FRMPD4: variants seen among roughly 807,000 people sequenced by gnomAD.
FRMPD4 encodes FERM and PDZ domain-containing protein 4.
Under a neutral mutation model 94.1 loss-of-function variants are expected in FRMPD4, and 22 were observed. The observed-to-expected ratio is 0.23, with a 90% confidence interval of 0.17 to 0.33. The LOEUF (loss-of-function observed/expected upper bound fraction) is 0.33. Ranked by LOEUF, FRMPD4 falls within the 10% of genes least tolerant of loss-of-function variation. The pLI, the probability that FRMPD4 is intolerant of heterozygous loss-of-function variation, is 1.00. For missense variants in FRMPD4, 1,111 were observed against 1,339.9 expected (o/e 0.83, Z 2.67); for synonymous variants, 631 against 548.6 (o/e 1.15, Z -2.10).
chrX:12,226,226 T>A (rs1327490611), intron 1 of FRMPD4, among the ~76,000 whole-genome samples: 1 of 111,471 alleles, frequency 9.0e-6, no homozygotes, highest in African/African-American at 3.3e-5. Context: ...TACCTCAGCC[T>A]CCCAAGTAGC....
intron 3 of FRMPD4, among the ~76,000 whole-genome samples, chrX:12,043,492 C>A (rs1194716553): frequency 9.0e-6 from 1 of 111,443 alleles, no homozygotes; most frequent in Non-Finnish European, 1.9e-5. Context: ...CACTATATGA[C>A]CATGCATAAT....
chrX:12,248,495 G>A (rs748076623), intron 1 of FRMPD4, among the ~76,000 whole-genome samples: 1 of 112,199 alleles, frequency 8.9e-6, no homozygotes, highest in Non-Finnish European at 1.9e-5. Flanking sequence ...AAATGTTAAG[G>A]GATTCTGTAA....
chrX:12,320,455 C>A (rs991088854), intron 1 of FRMPD4, among the ~76,000 whole-genome samples: 2 of 111,687 alleles, frequency 1.8e-5, no homozygotes, highest in East Asian at 5.6e-4. Flanking sequence ...ATGCAAAGCA[C>A]CCCCAGCAGA....
At chrX:11,839,827 CTGTT>C (rs1206962864) in intron 1 of FRMPD4, among the ~76,000 whole-genome samples, 2 of 109,738 alleles carry the variant, frequency 1.8e-5, no homozygotes, top group East Asian at 2.8e-4. Context: ...GCTGTTTTTT[CTGTT>C]TGTTTGTTTG....
intron 1 of FRMPD4, among the ~76,000 whole-genome samples, chrX:12,254,970 C>T (rs931975533): frequency 9.0e-6 from 1 of 111,347 alleles, no homozygotes; most frequent in Non-Finnish European, 1.9e-5. Context: ...TACCTTTCCC[C>T]AATTTCATTA....
intron 3 of FRMPD4, among the ~76,000 whole-genome samples, chrX:12,031,848 T>C (rs1263956951): frequency 3.6e-5 from 4 of 111,921 alleles, no homozygotes; most frequent in African/African-American, 1.3e-4. Context: ...TAAGTTGTCT[T>C]CCATCAGGGC....
At chrX:12,196,112 A>G (rs1475406450) in intron 1 of FRMPD4, among the ~76,000 whole-genome samples, 4 of 112,258 alleles carry the variant, frequency 3.6e-5, no homozygotes, top group African/African-American at 1.3e-4. Context: ...CATGCTATCC[A>G]CAATAATCTT....
At chrX:11,868,513 A>G (rs779661278) in intron 2 of FRMPD4, among the ~76,000 whole-genome samples, 2 of 110,798 alleles carry the variant, frequency 1.8e-5, no homozygotes, top group South Asian at 7.7e-4. Context: ...GGCAATTTCC[A>G]TGATTAGAAA....
intron 1 of FRMPD4, among the ~76,000 whole-genome samples, chrX:11,859,687 A>C (rs915662385): frequency 4.5e-5 from 5 of 111,557 alleles, no homozygotes; most frequent in South Asian, 3.7e-4. Flanking sequence ...TATTTTAAGA[A>C]TTTTGCTTTT....
intron 1 of FRMPD4, among the ~76,000 whole-genome samples, chrX:12,285,916 G>A (rs1333135337): frequency 4.5e-5 from 5 of 111,656 alleles, no homozygotes; most frequent in Non-Finnish European, 3.8e-5. Context: ...GTCTGACACT[G>A]ATTTCCTGTC....
intron 3 of FRMPD4, among the ~76,000 whole-genome samples, chrX:11,883,350 G>A (rs763262354): frequency 8.9e-6 from 1 of 112,283 alleles, no homozygotes; most frequent in East Asian, 2.8e-4. Context: ...TGGTCCTTAT[G>A]TGTGAGGAGG....
chrX:12,622,011 AAAGAAAGG>A (rs1569370101), intron 4 of FRMPD4, among the ~76,000 whole-genome samples: 13 of 35,897 alleles, frequency 3.6e-4, no homozygotes, highest in South Asian at 1.5e-3. Context: ...AGAAAGAAAG[AAAGAAAGG>A]AAGGAAGGAA....
chrX:12,592,869 C>A (rs1442549130), intron 2 of FRMPD4, among the ~76,000 whole-genome samples: 1 of 112,011 alleles, frequency 8.9e-6, no homozygotes, highest in African/African-American at 3.2e-5. Flanking sequence ...GTTTTTCTAG[C>A]AGTCTCTGAC....
chrX:12,208,769 T>C (rs894436282), intron 1 of FRMPD4, among the ~76,000 whole-genome samples: 8 of 111,958 alleles, frequency 7.1e-5, no homozygotes, highest in African/African-American at 2.6e-4. Flanking sequence ...TTATTTCAGT[T>C]AAGCTATTCT....
At chrX:12,508,302 T>C (rs1387147673) in intron 2 of FRMPD4, among the ~76,000 whole-genome samples, 1 of 110,597 alleles carries the variant, frequency 9.0e-6, no homozygotes, top group East Asian at 2.8e-4. Context: ...AAGCTCAACA[T>C]TTAAACTTCA....
At position 12,468,360 on chromosome X, in the gene FRMPD4, A is replaced by ATTTT. The variant is rs2057471705; in HGVS notation, c.42-30319_42-30318insTTTT. On this transcript the variant is annotated intron_variant, in intron 1 of 16. Transcript: ENST00000675598. ...TATTTTTGAAGAGAACACAAAAGAG[A>ATTTT]TACCATGCAAAGGCAGCAAAAACTA... 7.1e-5 allele frequency among the ~76,000 whole-genome samples: 8 copies of ATTTT among 112,263 alleles called. No individual in the cohort carries two copies. In the South Asian group the frequency reaches 1.8e-3, roughly 26 times the overall value.
intron 1 of FRMPD4, among the ~76,000 whole-genome samples, chrX:11,834,650 G>A (rs1375196197): frequency 9.0e-6 from 1 of 111,443 alleles, no homozygotes; most frequent in African/African-American, 3.3e-5. Context: ...ATTATCTAGG[G>A]TGTCTGTTTT....
At chrX:11,852,575 TA>T (rs1435837272) in intron 1 of FRMPD4, among the ~76,000 whole-genome samples, 1 of 111,768 alleles carries the variant, frequency 8.9e-6, no homozygotes, top group African/African-American at 3.3e-5. Flanking sequence ...GTGTGTACTT[TA>T]AAAGAATTCT....
chrX:11,922,760 G>C (rs2054065149), intron 3 of FRMPD4, among the ~76,000 whole-genome samples: 1 of 112,649 alleles, frequency 8.9e-6, no homozygotes, highest in Non-Finnish European at 1.9e-5. Flanking sequence ...GGTTCGGTGT[G>C]GGAGCATCTG....
Sources: allele counts gnomAD v4.1 joint callset (sites outside exome capture counted in the v4.1 genomes callset), GRCh38; gene constraint gnomAD v4.1.1; transcripts MANE v1.5; gene names NCBI Gene and HGNC (gene_info 2026-07-23, HGNC 2026-07-21).